NWD1: variants seen among roughly 807,000 people sequenced by gnomAD.
NWD1 encodes NACHT and WD repeat domain containing 1, also known as NACHT domain- and WD repeat-containing protein 1.
In NWD1, 129 loss-of-function variants were observed where a neutral mutation model predicts 135.1. The observed-to-expected ratio is 0.96, with a 90% CI of 0.83 to 1.11. NWD1 has a LOEUF of 1.11. NWD1 is among the 50% of genes least tolerant of loss of function. The pLI is 0.00. For synonymous variants in NWD1, 773 were observed against 786.0 expected (o/e 0.98, Z 0.28); for missense variants, 1,740 against 1,851.3 (o/e 0.94, Z 1.10).
chr19:16,796,898 G>T (rs528811876), intron 15 of NWD1, among the ~76,000 whole-genome samples: 2 of 152,166 alleles, frequency 1.3e-5, no homozygotes, highest in South Asian at 2.1e-4. Context: ...GTGATTACTG[G>T]CTGGGTACGG....
chr19:16,753,165 C>T (rs1466251143), intron 6 of NWD1, among the ~76,000 whole-genome samples: 2 of 152,190 alleles, frequency 1.3e-5, no homozygotes, highest in Non-Finnish European at 2.9e-5. Flanking sequence ...TGCACATCAA[C>T]TCCTCTTGTA....
At chr19:16,764,304 C>T (rs964209246) in intron 9 of NWD1, among the ~76,000 whole-genome samples, 14 of 152,166 alleles carry the variant, frequency 9.2e-5, no homozygotes, top group African/African-American at 3.4e-4. Context: ...GTCTGTCTGT[C>T]TATTTGTCAG....
intron 2 of NWD1, among the ~76,000 whole-genome samples, chr19:16,725,007 T>A (rs1568329801): frequency 1.4e-5 from 2 of 147,992 alleles, no homozygotes; most frequent in African/African-American, 5.1e-5. Context: ...AATTTTTATT[T>A]ATTTTTTATT....
intron 18 of NWD1, among the ~76,000 whole-genome samples, chr19:16,810,405 T>C (rs1599568038): frequency 7.9e-6 from 1 of 126,592 alleles, no homozygotes; most frequent in Admixed American, 1.0e-4. Context: ...GCCACTACAC[T>C]CCAGCCTGGG....
chr19:16,742,560 C>G (rs935950013), intron 4 of NWD1, among the ~76,000 whole-genome samples: 1 of 151,304 alleles, frequency 6.6e-6, no homozygotes, highest in Admixed American at 6.6e-5. Flanking sequence ...AAGGGGAGAG[C>G]TGGACTTAGG....
intron 18 of NWD1, among the ~76,000 whole-genome samples, chr19:16,809,535 C>CT (rs1010790169): frequency 2.6e-4 from 37 of 140,932 alleles, no homozygotes; most frequent in South Asian, 6.9e-4. Context: ...TGTGCTATTT[C>CT]TTTTTTTTTT....
intron 18 of NWD1, among the ~76,000 whole-genome samples, chr19:16,809,946 C>G (rs1970872932): frequency 6.6e-6 from 1 of 152,116 alleles, no homozygotes. Flanking sequence ...TTCTATCACC[C>G]CTTTCTATCT....
chr19:16,767,725 T>A (rs1244911815), intron 10 of NWD1, among the ~76,000 whole-genome samples: 1 of 152,018 alleles, frequency 6.6e-6, no homozygotes, highest in Non-Finnish European at 1.5e-5. Flanking sequence ...TCCCTCAACA[T>A]GTGGGGATTA....
chr19:16,779,241 A>T, intron 11 of NWD1, 102 bp from the exon 12 acceptor site: 1 of 1,339,918 alleles, frequency 7.5e-7, no homozygotes, highest in South Asian at 1.2e-5. Context: ...TCTGTGCCTC[A>T]GTTGTCTTAT....
At chr19:16,771,668 T>C (rs756630809) in intron 10 of NWD1, among the ~76,000 whole-genome samples, 1 of 152,082 alleles carries the variant, frequency 6.6e-6, no homozygotes, top group Non-Finnish European at 1.5e-5. Context: ...AGCCCCTTGA[T>C]TGACAACCTG....
At chr19:16,809,837 A>G (rs570723746) in intron 18 of NWD1, among the ~76,000 whole-genome samples, 20 of 152,080 alleles carry the variant, frequency 1.3e-4, no homozygotes, top group Admixed American at 2.6e-4. Flanking sequence ...GATTACAGTC[A>G]TGAGCCACCG....
chr19:16,794,922 C>T (rs1337976834), intron 15 of NWD1, among the ~76,000 whole-genome samples: 1 of 152,128 alleles, frequency 6.6e-6, no homozygotes, highest in Non-Finnish European at 1.5e-5. Flanking sequence ...GCTGGGATTA[C>T]AGGCACACAC....
chr19:16,807,664 C>T lies in NWD1; in HGVS notation c.3815C>T (p.Thr1272Met), dbSNP rs758051323. The change falls in exon 18 of 19, where the codon ACG becomes ATG. Residue 1272 changes from threonine (T) to methionine (M), a missense_variant. By Grantham distance (81) the Thr-to-Met change is moderately conservative. Coordinates refer to ENST00000524140, the MANE Select transcript of NWD1 (RefSeq NM_001007525.5). ...GCTGAGCAGCGCAAGCTCCTATTTA[C>T]GGGCCTCGTGTCGGGGGTCGTCCTT... Reference protein sequence around the residue: ...EVAEQRKLLFTGLVSGVVLVF... With the variant: ...EVAEQRKLLFMGLVSGVVLVF... 3.9e-5 allele frequency: 63 copies of T among 1,604,046 alleles called. No individual in the cohort carries two copies. Among genetic ancestry groups the T allele is most frequent in the Middle Eastern group, 1.7e-4 (1 of 6,010 alleles).
chr19:16,722,258 C>G (rs995470904), intron 1 of NWD1, among the ~76,000 whole-genome samples: 1 of 151,204 alleles, frequency 6.6e-6, no homozygotes, highest in Admixed American at 6.6e-5. Context: ...ACAATAGTGC[C>G]ACTGCACTCC....
In NWD1 at chr19:16,815,157, C is replaced by T. The variant is rs781299366; in HGVS notation, c.*118C>T. 2.3e-5 allele frequency: 24 copies of T among 1,056,610 alleles called. 1 individual carries two copies. The South Asian group carries it at 2.9e-4, about 13-fold the overall frequency. 65.5% of individuals were successfully genotyped at this position (1,056,610 alleles called of 1,614,324 possible). A position where few individuals can be genotyped will look rare whatever the true frequency, so the allele number is the denominator to read the frequency against. Reference sequence around the variant, plus strand: ...AATTTCCAGTGCCTTTCAGCAAAAGCCTCACCGCAGGACCCTCTTAAGAAC... The same window carrying T: ...AATTTCCAGTGCCTTTCAGCAAAAGTCTCACCGCAGGACCCTCTTAAGAAC... On this transcript the variant is annotated 3_prime_UTR_variant, in exon 19 of 19. Coordinates refer to ENST00000524140, the MANE Select transcript of NWD1 (RefSeq NM_001007525.5).
chr19:16,772,379 G>GC (rs1260649864), intron 10 of NWD1, among the ~76,000 whole-genome samples: 1 of 151,936 alleles, frequency 6.6e-6, no homozygotes, highest in Non-Finnish European at 1.5e-5. Flanking sequence ...AAAATAAATA[G>GC]CCAGGCGCGG....
intron 14 of NWD1, 54 bp from the exon 15 acceptor site, chr19:16,794,409 C>A: frequency 1.0e-6 from 1 of 997,918 alleles, no homozygotes; most frequent in Non-Finnish European, 1.5e-6. Flanking sequence ...AAATTCCAGA[C>A]TTGTAACCCT....
At position 16,792,835 on chromosome 19, in the gene NWD1, C is replaced by T. The variant is rs1046190859; in HGVS notation, c.3213+1213C>T. The stretch of plus-strand genomic sequence containing the variant: ...GAGGTTGCAGTGAGCCGAGATCATG[C>T]CATTGCACTCCAGCCTGGGTGACAG... On this transcript the variant is annotated intron_variant, in intron 14 of 18. Transcript: ENST00000524140. Among the ~76,000 whole-genome samples, 7 of 149,814 alleles carry T rather than the reference C, an allele frequency of 4.7e-5. No individual in the cohort carries two copies. The South Asian group carries it at 1.5e-3, about 32-fold the overall frequency.
At chr19:16,785,633 C>A (rs1336004671) in intron 12 of NWD1, among the ~76,000 whole-genome samples, 1 of 150,276 alleles carries the variant, frequency 6.7e-6, no homozygotes, top group Non-Finnish European at 1.5e-5. Context: ...TATATATATA[C>A]ACTTATATAT....
Sources: allele counts gnomAD v4.1 joint callset (sites outside exome capture counted in the v4.1 genomes callset), GRCh38; gene constraint gnomAD v4.1.1; transcripts MANE v1.5; gene names NCBI Gene and HGNC (gene_info 2026-07-23, HGNC 2026-07-21).